Variants in NR5A1 observed in about 807,000 individuals in gnomAD.
NR5A1 encodes the protein steroidogenic factor 1.
A neutral mutation model predicts 42.7 loss-of-function variants in NR5A1; 6 were observed. That is an observed-to-expected ratio of 0.14 (90% CI 0.08 to 0.28). NR5A1 has a LOEUF of 0.28. NR5A1 is among the 10% of genes least tolerant of loss of function. The pLI is 1.00. For synonymous variants in NR5A1, 274 were observed against 277.5 expected, an observed-to-expected ratio of 0.99 and a Z score of 0.12; for missense variants, 442 against 626.4, an observed-to-expected ratio of 0.71 and a Z score of 3.14.
At chr9:124,497,260 G>A (rs1300743593) in intron 4 of NR5A1, among the ~76,000 whole-genome samples, 2 of 152,152 alleles carry the variant, frequency 1.3e-5, no homozygotes, top group Non-Finnish European at 1.5e-5. Context: ...TTTTCAAGAC[G>A]AGGAAACTGA....
At chr9:124,491,036 C>T (rs988405161) in intron 6 of NR5A1, 45 bp downstream of exon 6, 13 of 1,401,576 alleles carry the variant, frequency 9.3e-6, no homozygotes, top group African/African-American at 4.3e-5. Flanking sequence ...CCCACCCACC[C>T]GCCTCTGGCT....
At chr9:124,483,389 T>A (rs1474655272) in intron 6 of NR5A1, among the ~76,000 whole-genome samples, 1 of 152,194 alleles carries the variant, frequency 6.6e-6, no homozygotes, top group Non-Finnish European at 1.5e-5. Flanking sequence ...CCCTGGGCAG[T>A]TATTGAACCT....
Position 124,483,027 on chromosome 9 carries a change from C to A in NR5A1, c.1139-22G>T. The A allele has an allele frequency of 1.9e-6, 3 of 1,613,116 alleles. No individual in the cohort carries two copies. In the South Asian group the frequency reaches 3.3e-5, roughly 18 times the overall value. ...AAATCTGCAAAGGGAGGTTCTCGGT[C>A]ACCATCGCGTCACCATCCATGCCCA... On this transcript the variant is annotated intron_variant, in intron 6 of 6. Coordinates refer to ENST00000373588, the MANE Select transcript of NR5A1 (RefSeq NM_004959.5).
At position 124,483,024 on chromosome 9, in the gene NR5A1, G is replaced by A. The variant is rs779153386; in HGVS notation, c.1139-19C>T. 7 of 1,613,210 alleles carry A rather than the reference G, an allele frequency of 4.3e-6. No individual in the cohort carries two copies. Among genetic ancestry groups the A allele is most frequent in the Admixed American group, 1.7e-5 (1 of 60,002 alleles). On this transcript the variant is annotated intron_variant, in intron 6 of 6. Coordinates refer to ENST00000373588, the MANE Select transcript of NR5A1 (RefSeq NM_004959.5). ...TTCAAATCTGCAAAGGGAGGTTCTC[G>A]GTCACCATCGCGTCACCATCCATGC...
Position 124,500,851 on chromosome 9 carries a change from GGGGAAGT to G in NR5A1, c.245-143_245-137del. On this transcript the variant is annotated intron_variant, in intron 3 of 6. Transcript: ENST00000373588. This position sits in a 1 kb window ranked among gnomAD's most constrained non-coding sequence, Gnocchi z 6.9. ...CCTTTCATGGCTCCCACTGACCACA[GGGGAAGT>G]CAGTCTCCTTTGCCTGGCATTCAAG... The G allele has an allele frequency of 7.3e-7, 1 of 1,364,676 alleles. No individual in the cohort carries two copies. Among genetic ancestry groups the G allele is most frequent in the Non-Finnish European group, 1.0e-6 (1 of 969,082 alleles). The allele number at this position is 1,364,676 out of a possible 1,614,324, so 84.5% of individuals were successfully genotyped here. A position where few individuals can be genotyped will look rare whatever the true frequency, so the allele number is the denominator to read the frequency against.
At chr9:124,505,532 C>G (rs1564154728) in intron 1 of NR5A1, among the ~76,000 whole-genome samples, 2 of 152,198 alleles carry the variant, frequency 1.3e-5, no homozygotes, top group Non-Finnish European at 2.9e-5. Context: ...AGGATGAACC[C>G]AAGCAGTAGG....
chr9:124,500,081 G>C lies in NR5A1; in HGVS notation c.870+9C>G, dbSNP rs761942912. On this transcript the variant is annotated intron_variant, in intron 4 of 6. Transcript: ENST00000373588. This position sits in a 1 kb window ranked among gnomAD's most constrained non-coding sequence, Gnocchi z 6.9. ...ATGCAGGGCCAGCCGGGCGGGAGGA[G>C]AGACTCACCTCCAGCTCCTTGAAGA... 2 of 1,613,086 alleles carry C rather than the reference G, an allele frequency of 1.2e-6. No individual in the cohort carries two copies. The highest frequency in any genetic ancestry group is 1.7e-6 in the Non-Finnish European group (2 of 1,180,028).
chr9:124,497,090 T>C (rs972182047), intron 4 of NR5A1, among the ~76,000 whole-genome samples: 2 of 152,224 alleles, frequency 1.3e-5, no homozygotes, highest in African/African-American at 4.8e-5. Flanking sequence ...AAGGCCTGCA[T>C]AAGCCTGCAG....
chr9:124,500,183 C>T lies in NR5A1; in HGVS notation c.777G>A (p.Pro259=), dbSNP rs529716231. The T allele has an allele frequency of 5.3e-5, 85 of 1,611,102 alleles. No individual in the cohort carries two copies. In the Admixed American group the frequency reaches 1.0e-3, roughly 20 times the overall value. ...TTCTGCACAGGAGGCCGAAGGCCGC[C>T]GGCTGGTCGGGGCGGCTTTTGGTGG... ...QEPTKSRPDQ[P]AAFGLLCRMA... The change falls in exon 4 of 7, where the codon CCG becomes CCA. Residue 259 remains proline (P), a synonymous_variant. Coordinates refer to ENST00000373588, the MANE Select transcript of NR5A1 (RefSeq NM_004959.5). The surrounding 1 kb of genome is among the most constrained non-coding windows in gnomAD (Gnocchi z 6.9).
intron 6 of NR5A1, 64 bp downstream of exon 6, chr9:124,491,017 A>AGCCCCCCCCCCCCC: frequency 2.2e-6 from 1 of 457,440 alleles, no homozygotes; most frequent in Non-Finnish European, 4.2e-6. Context: ...CTCCAGCCTC[A>AGCCCCCCCCCCCCC]CCCACCCTCC....
At chr9:124,494,717 T>A (rs1239158623) in intron 4 of NR5A1, among the ~76,000 whole-genome samples, 1 of 149,008 alleles carries the variant, frequency 6.7e-6, no homozygotes, top group African/African-American at 2.5e-5. Flanking sequence ...GGCCAGAGAC[T>A]CAGAGGGGCC....
intron 6 of NR5A1, 59 bp downstream of exon 6, chr9:124,491,012 GCCTCACCCAC>G: frequency 1.3e-6 from 1 of 756,932 alleles, no homozygotes. Flanking sequence ...TACCTCTCCA[GCCTCACCCAC>G]CCTCCCACCC....
chr9:124,503,429 T>C lies in NR5A1; in HGVS notation c.-15-19A>G. 1.3e-6 allele frequency: 2 copies of C among 1,578,302 alleles called. No homozygotes were observed. Among genetic ancestry groups the C allele is most frequent in the Non-Finnish European group, 1.7e-6 (2 of 1,162,268 alleles). On this transcript the variant is annotated intron_variant, in intron 1 of 6. Coordinates refer to ENST00000373588, the MANE Select transcript of NR5A1 (RefSeq NM_004959.5). This position sits in a 1 kb window ranked among gnomAD's most constrained non-coding sequence, Gnocchi z 9.6. ...CGTCCGCCTGCGGAGGGACAGCGGG[T>C]CAGGGAGGGCCGGCGGAGACCGGCA...
chr9:124,490,521 C>A (rs1300115961), intron 6 of NR5A1, among the ~76,000 whole-genome samples: 1 of 152,158 alleles, frequency 6.6e-6, no homozygotes, highest in East Asian at 1.9e-4. Context: ...TCTTTTCCTC[C>A]TTAGCACTGG....
chr9:124,503,309 C>A lies in NR5A1; in HGVS notation c.87G>T (p.Thr29=). 7 of 1,611,586 alleles carry A rather than the reference C, an allele frequency of 4.3e-6. No individual in the cohort carries two copies. The highest frequency in any genetic ancestry group is 5.9e-6 in the Non-Finnish European group (7 of 1,179,382). ...KVSGYHYGLL[T]CESCKGFFKR... ...CGCCGCTCACCTTGCAGCTCTCACA[C>A]GTGAGCAGTCCGTAGTGGTAGCCGG... Residue 29 remains threonine (T), a synonymous_variant, in exon 2 of 7, where the codon ACG becomes ACT. Coordinates refer to ENST00000373588, the MANE Select transcript of NR5A1 (RefSeq NM_004959.5). The surrounding 1 kb of genome is among the most constrained non-coding windows in gnomAD (Gnocchi z 9.6).
rs748781136 is a variant in NR5A1 at position 124,503,043 on chromosome 9, TG to T, written c.244+35del. 11 of 1,542,624 alleles carry T rather than the reference TG, an allele frequency of 7.1e-6. No individual in the cohort carries two copies. The South Asian group carries it at 9.5e-5, about 13-fold the overall frequency. Reference sequence around the variant, plus strand: ...CCCCACCCCCTACCCCCTCAGGCTGTGGGGGGTCAGGGGTCGAGGCCCGCGC... The same window carrying T: ...CCCCACCCCCTACCCCCTCAGGCTGTGGGGGTCAGGGGTCGAGGCCCGCGC... On this transcript the variant is annotated intron_variant, in intron 3 of 6. Transcript: ENST00000373588. This position sits in a 1 kb window ranked among gnomAD's most constrained non-coding sequence, Gnocchi z 9.6.
chr9:124,495,930 A>G (rs1200283791), intron 4 of NR5A1, among the ~76,000 whole-genome samples: 2 of 152,196 alleles, frequency 1.3e-5, no homozygotes, highest in Non-Finnish European at 2.9e-5. Context: ...CCGGCCATGC[A>G]TCCTCCACCC....
chr9:124,485,594 C>T (rs1420359646), intron 6 of NR5A1, among the ~76,000 whole-genome samples: 6 of 152,210 alleles, frequency 3.9e-5, no homozygotes, highest in African/African-American at 1.2e-4. Context: ...TTCCTCACTT[C>T]CCCAGGGTCA....
intron 5 of NR5A1, among the ~76,000 whole-genome samples, chr9:124,492,776 A>G (rs1588618472): frequency 6.6e-6 from 1 of 151,920 alleles, no homozygotes; most frequent in Non-Finnish European, 1.5e-5. Context: ...GCCTCTCCTC[A>G]CCATGCCCAC....
Sources: gnomAD v4.1 joint callset for allele counts (sites outside exome capture counted in the v4.1 genomes callset) on GRCh38, gnomAD v4.1.1 for gene constraint, Gnocchi (gnomAD v3.1) non-coding constraint, MANE v1.5 for transcripts, NCBI Gene and HGNC (gene_info 2026-07-23, HGNC 2026-07-21) for gene names.